TRAF3: variants seen among roughly 807,000 people sequenced by gnomAD.
TRAF3 encodes TNF receptor associated factor 3.
Under a neutral mutation model 62.3 loss-of-function variants are expected in TRAF3, and 13 were observed. The observed-to-expected ratio is 0.21, with a 90% CI of 0.14 to 0.33. The LOEUF is 0.33. Among genes scored for constraint, TRAF3 ranks in the 10% least tolerant of loss-of-function variants. TRAF3 has a pLI of 1.00. For synonymous variants in TRAF3, 269 were observed against 283.4 expected, an observed-to-expected ratio of 0.95 and a Z score of 0.51; for missense variants, 440 against 741.8, an observed-to-expected ratio of 0.59 and a Z score of 4.73.
chr14:102,837,135 TGTGTG>T (rs1178502003), intron 2 of TRAF3, among the ~76,000 whole-genome samples: 8 of 137,156 alleles, frequency 5.8e-5, no homozygotes, highest in African/African-American at 2.1e-4. Flanking sequence ...TGTGTGTGTG[TGTGTG>T]TGTTTTTTTT....
intron 1 of TRAF3, among the ~76,000 whole-genome samples, chr14:102,782,192 C>T (rs1274117451): frequency 6.6e-6 from 1 of 152,084 alleles, no homozygotes; most frequent in Non-Finnish European, 1.5e-5. Context: ...ACCTCAGCCT[C>T]CCAAAGTGCT....
chr14:102,839,210 C>CTT (rs56998347), intron 2 of TRAF3, among the ~76,000 whole-genome samples: 3,601 of 89,636 alleles, frequency 0.04, 555 homozygotes, highest in African/African-American at 0.056. Flanking sequence ...GTTGATTTGC[C>CTT]TTTTTTTTTT....
intron 2 of TRAF3, among the ~76,000 whole-genome samples, chr14:102,868,131 A>G (rs1470715637): frequency 6.6e-6 from 1 of 152,244 alleles, no homozygotes; most frequent in East Asian, 1.9e-4. Flanking sequence ...TTTTCTAAGT[A>G]GCAAAAATAG....
chr14:102,837,098 C>T (rs1450452380), intron 2 of TRAF3, among the ~76,000 whole-genome samples: 1 of 147,518 alleles, frequency 6.8e-6, no homozygotes, highest in Non-Finnish European at 1.5e-5. Flanking sequence ...ATTAGAGTAG[C>T]TAGAAATTAA....
intron 2 of TRAF3, among the ~76,000 whole-genome samples, chr14:102,853,949 G>A (rs1022007657): frequency 6.6e-6 from 1 of 151,606 alleles, no homozygotes; most frequent in Non-Finnish European, 1.5e-5. Context: ...TCCATTCTTC[G>A]CTTGCCCCAG....
chr14:102,839,210 C>CATTT (rs1310697452), intron 2 of TRAF3, among the ~76,000 whole-genome samples: 1 of 89,836 alleles, frequency 1.1e-5, no homozygotes, highest in African/African-American at 4.4e-5. Context: ...GTTGATTTGC[C>CATTT]TTTTTTTTTT....
At chr14:102,843,184 C>T (rs929993565) in intron 2 of TRAF3, among the ~76,000 whole-genome samples, 3 of 149,224 alleles carry the variant, frequency 2.0e-5, no homozygotes, top group Non-Finnish European at 4.4e-5. Context: ...GCCTGGGCGA[C>T]AGAGGGAGAC....
intron 9 of TRAF3, among the ~76,000 whole-genome samples, chr14:102,894,816 G>A (rs981845645): frequency 2.6e-5 from 4 of 152,112 alleles, no homozygotes; most frequent in Non-Finnish European, 5.9e-5. Flanking sequence ...ATCCCATCCA[G>A]CCTCCCCAGT....
intron 5 of TRAF3, 58 bp from the exon 6 acceptor site, chr14:102,876,300 G>A: frequency 6.4e-7 from 1 of 1,557,004 alleles, no homozygotes; most frequent in Non-Finnish European, 8.8e-7. Flanking sequence ...TTAGAATCTG[G>A]TATTTCAGAT....
In TRAF3 at chr14:102,905,412, C is replaced by T. The variant is rs766297247; in HGVS notation, c.1335C>T (p.Phe445=). ...GKTLSLYSQP[F]YTGYFGYKMC... ...CCCTGTCCCTTTACAGCCAGCCTTTCTACACTGGTTACTTTGGCTATAAGA... is the reference window on the plus strand; with the variant it reads ...CCCTGTCCCTTTACAGCCAGCCTTTTTACACTGGTTACTTTGGCTATAAGA... The change falls in exon 12 of 12, where the codon TTC becomes TTT. Residue 445 remains phenylalanine, a synonymous_variant. Transcript: ENST00000392745. 2.5e-6 allele frequency: 4 copies of T among 1,614,140 alleles called. No homozygotes were observed. In the African/African-American group the frequency reaches 5.3e-5, roughly 22 times the overall value.
At chr14:102,793,955 A>T (rs575455241) in intron 1 of TRAF3, among the ~76,000 whole-genome samples, 46 of 152,248 alleles carry the variant, frequency 3.0e-4, no homozygotes, top group African/African-American at 1.0e-3. Context: ...ATTGGTATTC[A>T]TCTGTTGGCT....
chr14:102,820,775 A>T (rs1488694824), intron 1 of TRAF3, among the ~76,000 whole-genome samples: 1 of 149,874 alleles, frequency 6.7e-6, no homozygotes, highest in Non-Finnish European at 1.5e-5. Flanking sequence ...GGTTATAGGC[A>T]CCCACCACCA....
intron 1 of TRAF3, among the ~76,000 whole-genome samples, chr14:102,811,159 C>T (rs1414121436): frequency 6.6e-6 from 1 of 152,194 alleles, no homozygotes; most frequent in Non-Finnish European, 1.5e-5. Flanking sequence ...CTTTGTATCT[C>T]ACAGTGGAGT....
chr14:102,890,642 A>T (rs1269608404), intron 8 of TRAF3, among the ~76,000 whole-genome samples: 1 of 152,202 alleles, frequency 6.6e-6, no homozygotes. Context: ...TAATTTTCTA[A>T]TAGCAAAACA....
intron 5 of TRAF3, among the ~76,000 whole-genome samples, chr14:102,876,069 C>T (rs1050371082): frequency 6.6e-6 from 1 of 152,038 alleles, no homozygotes; most frequent in African/African-American, 2.4e-5. Context: ...CATATTTTAG[C>T]TTAGAAAATT....
Position 102,844,136 on chromosome 14 carries a change from CACAT to C in TRAF3, c.-18+13670_-18+13673del, listed in dbSNP as rs528570566. Among the ~76,000 whole-genome samples, 175 of 152,318 alleles carry C rather than the reference CACAT, an allele frequency of 1.1e-3. 1 individual carries two copies. Among genetic ancestry groups the C allele is most frequent in the South Asian group, 1.9e-3 (9 of 4,830 alleles). ...AGGGAATGCTGGGAATGTGTGTAAACACATACATATGTTGTCATGTGTTACCTTA... is the reference window on the plus strand; with the variant it reads ...AGGGAATGCTGGGAATGTGTGTAAACACATATGTTGTCATGTGTTACCTTA... On this transcript the variant is annotated intron_variant, in intron 2 of 11. Coordinates refer to ENST00000392745, the MANE Select transcript of TRAF3 (RefSeq NM_145725.3).
At position 102,855,654 on chromosome 14, in the gene TRAF3, G is replaced by A. The variant is rs530163793; in HGVS notation, c.-17-14531G>A. On this transcript the variant is annotated intron_variant, in intron 2 of 11. Transcript: ENST00000392745. ...CTACTAAAATACAAAAAATTAGCCA[G>A]GCGTGGTGGCACCAGCCTGTAGTCC... Among the ~76,000 whole-genome samples the A allele has an allele frequency of 9.2e-5, 14 of 152,164 alleles. No homozygotes were observed. In the East Asian group the frequency reaches 2.3e-3, roughly 25 times the overall value.
intron 1 of TRAF3, among the ~76,000 whole-genome samples, chr14:102,793,999 C>T (rs1897940111): frequency 6.6e-6 from 1 of 152,174 alleles, no homozygotes; most frequent in African/African-American, 2.4e-5. Flanking sequence ...GGGCCGTACA[C>T]ACATGCTTGG....
chr14:102,800,802 C>G (rs1898356918), intron 1 of TRAF3, among the ~76,000 whole-genome samples: 1 of 148,978 alleles, frequency 6.7e-6, no homozygotes, highest in Admixed American at 6.8e-5. Context: ...CTCAAGAGAT[C>G]TTCCCACCTC....
Sources: allele counts gnomAD v4.1 joint callset (sites outside exome capture counted in the v4.1 genomes callset), GRCh38; gene constraint gnomAD v4.1.1; transcripts MANE v1.5; gene names NCBI Gene and HGNC (gene_info 2026-07-23, HGNC 2026-07-21).